Variants in DST observed in about 807,000 individuals in gnomAD.
DST encodes the protein bullous pemphigoid antigen.
In DST, 253 loss-of-function variants were observed where a neutral mutation model predicts 875.2. That is an observed-to-expected ratio of 0.29 (90% CI 0.26 to 0.32). The LOEUF (loss-of-function observed/expected upper bound fraction) is 0.32. Among genes scored for constraint, DST ranks in the 10% least tolerant of loss-of-function variants. The pLI is 1.00. For missense variants in DST, 8,287 were observed against 9,111.6 expected (o/e 0.91, Z 3.68); for synonymous variants, 3,124 against 3,197.1 (o/e 0.98, Z 0.77).
chr6:56,774,244 T>C (rs1341539854), intron 4 of DST, among the ~76,000 whole-genome samples: 2 of 152,162 alleles, frequency 1.3e-5, no homozygotes, highest in Non-Finnish European at 2.9e-5. Context: ...TCAATCTACC[T>C]GACCCAAACT....
chr6:56,616,111 C>T, intron 36 of DST: 1 of 1,614,188 alleles, frequency 6.2e-7, no homozygotes, highest in Non-Finnish European at 8.5e-7. Context: ...TAGCAGTCAG[C>T]CAATACCCTG....
chr6:56,542,206 A>T (rs925272699), intron 61 of DST, among the ~76,000 whole-genome samples: 2 of 151,952 alleles, frequency 1.3e-5, no homozygotes, highest in African/African-American at 4.8e-5. Flanking sequence ...CGTTATGAGA[A>T]AGTTACATTT....
chr6:56,639,725 T>C lies in DST; in HGVS notation c.2668A>G (p.Arg890Gly), dbSNP rs777218403. ...LKLTYAEKLH[R>G]LESQYAKLLN... ...AGTTTTGCATACTGACTCTCTAATC[T>C]GTGCAACTTTTCTGCATAAGTCAGT... Residue 890 changes from arginine (R) to glycine (G), a missense_variant, in exon 20 of 104, where the codon AGA (arginine) becomes GGA (glycine). Physicochemically the swap from Arg to Gly is moderately radical, Grantham distance 125. Around this residue, in one of 10 missense-constraint regions of DST, gnomAD observed 1,160 missense variants for 1,424.3 expected, o/e 0.81. Transcript: ENST00000680361. 4 of 1,613,674 alleles carry C rather than the reference T, an allele frequency of 2.5e-6. No homozygotes were observed. The highest frequency in any genetic ancestry group is 3.4e-6 in the Non-Finnish European group (4 of 1,179,880).
intron 75 of DST, among the ~76,000 whole-genome samples, chr6:56,507,404 T>TCC (rs1169220017): frequency 6.6e-6 from 1 of 152,176 alleles, no homozygotes; most frequent in Non-Finnish European, 1.5e-5. Context: ...ATATGGCTAT[T>TCC]CCCCTCAAGG....
intron 24 of DST, among the ~76,000 whole-genome samples, chr6:56,635,296 C>G (rs1449489881): frequency 6.6e-6 from 1 of 151,890 alleles, no homozygotes; most frequent in East Asian, 1.9e-4. Flanking sequence ...TAAAACAGTG[C>G]CCAGGATATA....
chr6:56,464,442 A>G, intron 100 of DST: 1 of 535,322 alleles, frequency 1.9e-6, no homozygotes, highest in African/African-American at 1.9e-5. Context: ...AGAACACTCC[A>G]CAAGAACCCG....
At chr6:56,728,444 C>T (rs977354533) in intron 5 of DST, among the ~76,000 whole-genome samples, 2 of 152,158 alleles carry the variant, frequency 1.3e-5, no homozygotes, top group Non-Finnish European at 2.9e-5. Flanking sequence ...TGGCTCACAC[C>T]TATAATCCCA....
At chr6:56,616,429 T>C (rs774280258) in intron 36 of DST, 2 of 1,613,970 alleles carry the variant, frequency 1.2e-6, no homozygotes, top group African/African-American at 2.7e-5. Context: ...ATTCTGATCC[T>C]GTTTTAGTAT....
At chr6:56,504,131 A>C in intron 77 of DST, 33 bp from the exon 78 acceptor site, 1 of 1,448,232 alleles carries the variant, frequency 6.9e-7, no homozygotes. Context: ...TGTTGTTACA[A>C]CAGTACATTT....
intron 4 of DST, chr6:56,843,228 A>G: frequency 6.7e-6 from 9 of 1,340,462 alleles, no homozygotes; most frequent in Non-Finnish European, 8.8e-6. Flanking sequence ...AGCAAGACAC[A>G]GCCTTGGGAA....
chr6:56,507,915 A>G (rs1414209933), intron 75 of DST, among the ~76,000 whole-genome samples: 2 of 152,178 alleles, frequency 1.3e-5, no homozygotes, highest in Non-Finnish European at 2.9e-5. Flanking sequence ...CCTAGCAAGG[A>G]AAAGACAGTC....
chr6:56,494,516 C>T (rs1259696356), intron 82 of DST, among the ~76,000 whole-genome samples: 1 of 152,146 alleles, frequency 6.6e-6, no homozygotes, highest in Non-Finnish European at 1.5e-5. Flanking sequence ...TTTCATCTCT[C>T]TGAGCCTCAA....
chr6:56,511,380 A>G lies in DST; in HGVS notation c.18597T>C (p.Ala6199=), dbSNP rs376171977. 4.0e-5 allele frequency: 65 copies of G among 1,605,846 alleles called. 1 individual carries two copies. Among genetic ancestry groups the G allele is most frequent in the Non-Finnish European group, 5.1e-5 (60 of 1,175,848 alleles). The stretch of plus-strand genomic sequence containing the variant: ...TCTTATCTATATGAGGCTTGTGTTC[A>G]GCTATCAACTCACGCAGTTGCTATA... ...EEHRQLRELI[A]EHKPHIDKMN... The change falls in exon 73 of 104, where the codon GCT becomes GCC. Residue 6199 remains alanine (A), a synonymous_variant. Coordinates refer to ENST00000680361, the MANE Select transcript of DST (RefSeq NM_001374736.1).
chr6:56,550,123 C>G (rs998681762), intron 61 of DST, among the ~76,000 whole-genome samples: 4 of 152,160 alleles, frequency 2.6e-5, no homozygotes, highest in Non-Finnish European at 4.4e-5. Flanking sequence ...AATACACACA[C>G]ACACATACAC....
chr6:56,872,737 A>G (rs1437046433), intron 3 of DST, among the ~76,000 whole-genome samples: 1 of 151,878 alleles, frequency 6.6e-6, no homozygotes, highest in Non-Finnish European at 1.5e-5. Context: ...GTGGGGGTGT[A>G]TAGGTATTTA....
chr6:56,635,464 C>G lies in DST; in HGVS notation c.3186+125G>C. On this transcript the variant is annotated intron_variant, in intron 24 of 103. Coordinates refer to ENST00000680361, the MANE Select transcript of DST (RefSeq NM_001374736.1). ...CAAAAGAATACTAAAACTGAATGTG[C>G]AAATGTGTAATTGAATTAGTGGGAA... 3 of 974,936 alleles carry G rather than the reference C, an allele frequency of 3.1e-6. No homozygotes were observed. In the Admixed American group the frequency reaches 6.6e-5, roughly 22 times the overall value. The allele number at this position is 974,936 out of a possible 1,614,324, so 60.4% of individuals were successfully genotyped here. A position where few individuals can be genotyped will look rare whatever the true frequency, so the allele number is the denominator to read the frequency against.
At chr6:56,639,800 C>T in intron 19 of DST, 27 bp from the exon 20 acceptor site, 4 of 1,603,870 alleles carry the variant, frequency 2.5e-6, no homozygotes, top group Non-Finnish European at 3.4e-6. Flanking sequence ...AAAAGACACT[C>T]CAGTCAGGAA....
chr6:56,902,896 C>A (rs1165829159), intron 2 of DST, among the ~76,000 whole-genome samples: 1 of 151,792 alleles, frequency 6.6e-6, no homozygotes, highest in Admixed American at 6.6e-5. Flanking sequence ...TGGACATTCC[C>A]CATCCACCCA....
Position 56,617,070 on chromosome 6 carries a change from GA to G in DST, c.4930-2587del, listed in dbSNP as rs748845919. The G allele has an allele frequency of 6.2e-7, 1 of 1,614,040 alleles. No homozygotes were observed. The highest frequency in any genetic ancestry group is 8.5e-7 in the Non-Finnish European group (1 of 1,179,946). ...CCTGCAATTGAGGTGGCTTTCGTCAGAAACTTGTTAAGAGTTTTCTGAACTT... is the reference window on the plus strand; with the variant it reads ...CCTGCAATTGAGGTGGCTTTCGTCAGAACTTGTTAAGAGTTTTCTGAACTT... On this transcript the variant is annotated intron_variant, in intron 36 of 103. Coordinates refer to ENST00000680361, the MANE Select transcript of DST (RefSeq NM_001374736.1).
Sources: gnomAD v4.1 joint callset for allele counts (sites outside exome capture counted in the v4.1 genomes callset) on GRCh38, gnomAD v4.1.1 for gene constraint, gnomAD v4.1.1 regional missense constraint, MANE v1.5 for transcripts, NCBI Gene and HGNC (gene_info 2026-07-23, HGNC 2026-07-21) for gene names.